Variants in RBP5 observed in about 807,000 individuals in gnomAD.
RBP5 encodes the protein retinol-binding protein 5.
A neutral mutation model predicts 17.8 loss-of-function variants in RBP5; 12 were observed. The ratio of observed to expected loss-of-function variants is 0.67; its 90% CI spans 0.43 to 1.09. RBP5 has a LOEUF of 1.09. RBP5 is among the 50% of genes least tolerant of loss of function. The pLI is 0.00. For missense variants in RBP5, 172 were observed against 169.4 expected (o/e 1.02, Z -0.09); for synonymous variants, 64 against 68.1 (o/e 0.94, Z 0.30).
At position 7,124,943 on chromosome 12, in the gene RBP5, G is replaced by A. The variant is rs1266475577; in HGVS notation, c.253-213C>T. Among the ~76,000 whole-genome samples, 1 of 152,158 alleles carries A rather than the reference G, an allele frequency of 6.6e-6. No individual in the cohort carries two copies. Among genetic ancestry groups the A allele is most frequent in the Non-Finnish European group, 1.5e-5 (1 of 68,042 alleles). The stretch of plus-strand genomic sequence containing the variant: ...TTTTTTTGAGACAAGTTCTTGCTCT[G>A]TCACCCAGGCTGGAGTGCAGTGGCA... On this transcript the variant is annotated intron_variant, in intron 2 of 3. Transcript: ENST00000266560. The surrounding 1 kb of genome is among the most constrained non-coding windows in gnomAD (Gnocchi z 5.3).
chr12:7,128,465 C>A lies in RBP5; in HGVS notation c.74-47G>T. 6.3e-7 allele frequency: 1 copy of A among 1,587,950 alleles called. No individual in the cohort carries two copies. ...AGGGGTGCTGCTAGCCAGCCAGGAG[C>A]TCCTCTGCCTGCAGCAGCCCCTCAG... On this transcript the variant is annotated intron_variant, in intron 1 of 3. Transcript: ENST00000266560. This position sits in a 1 kb window ranked among gnomAD's most constrained non-coding sequence, Gnocchi z 5.3.
chr12:7,128,880 G>C lies in RBP5; in HGVS notation c.-105C>G, dbSNP rs1939227132. 5.5e-6 allele frequency: 5 copies of C among 908,892 alleles called. No individual in the cohort carries two copies. The highest frequency in any genetic ancestry group is 8.9e-6 in the Non-Finnish European group (5 of 562,506). 56.3% of individuals were successfully genotyped at this position (908,892 alleles called of 1,614,324 possible). A position where few individuals can be genotyped will look rare whatever the true frequency, so the allele number is the denominator to read the frequency against. On this transcript the variant is annotated 5_prime_UTR_variant, in exon 1 of 4. Transcript: ENST00000266560. This position sits in a 1 kb window ranked among gnomAD's most constrained non-coding sequence, Gnocchi z 5.3. ...GATTCCAGCCAGCTCCACACACAGAGACAGGATGTGTAATGGCCGGGTTAC... is the reference window on the plus strand; with the variant it reads ...GATTCCAGCCAGCTCCACACACAGACACAGGATGTGTAATGGCCGGGTTAC...
downstream of RBP5, chr12:7,120,958 G>A (rs2135778514): frequency 6.6e-6 from 1 of 152,078 alleles, no homozygotes; most frequent in South Asian, 2.1e-4. Context: ...AACCTGGGAG[G>A]CGGAGGCTGC....
At chr12:7,123,334 C>T (rs1480728955), downstream of RBP5, among the ~76,000 whole-genome samples, 1 of 152,222 alleles carries the variant, frequency 6.6e-6, no homozygotes, top group Non-Finnish European at 1.5e-5. Flanking sequence ...CCTCCTATGC[C>T]TTCACACCCC....
rs748893040 is a variant in RBP5 at position 7,128,291 on chromosome 12, C to T, written c.201G>A (p.Val67=). ...TFRNYTVQFD[V]GVEFEEDLRS... ...TGAGGTCCTCCTCAAACTCCACTCC[C>T]ACATCAAACTGCACAGTGTAGTTTC... is the stretch of plus-strand genomic sequence containing the variant. The change falls in exon 2 of 4, where the codon GTG becomes GTA. Residue 67 remains valine, a synonymous_variant. Coordinates refer to ENST00000266560, the MANE Select transcript of RBP5 (RefSeq NM_031491.4). The surrounding 1 kb of genome is among the most constrained non-coding windows in gnomAD (Gnocchi z 5.3). 1.2e-6 allele frequency: 2 copies of T among 1,614,222 alleles called. No homozygotes were observed. Among genetic ancestry groups the T allele is most frequent in the East Asian group, 2.2e-5 (1 of 44,890 alleles).
chr12:7,126,146 A>G (rs1267618292), intron 2 of RBP5, among the ~76,000 whole-genome samples: 3 of 152,086 alleles, frequency 2.0e-5, no homozygotes, highest in Admixed American at 2.0e-4. Context: ...GGGTGGTGAT[A>G]GAGAAAGGTT....
chr12:7,129,654 G>C, upstream of RBP5: 1 of 985,478 alleles, frequency 1.0e-6, no homozygotes, highest in Non-Finnish European at 1.2e-6. The surrounding 1 kb of genome is among the most constrained non-coding windows in gnomAD (Gnocchi z 5.5). Flanking sequence ...GTGAAGGTGG[G>C]GTGGAGGCGC....
intron 2 of RBP5, among the ~76,000 whole-genome samples, chr12:7,126,457 G>C (rs1939160898): frequency 6.7e-6 from 1 of 150,310 alleles, no homozygotes; most frequent in Admixed American, 6.6e-5. Context: ...GGGTAATGCA[G>C]AAAAGCTACA....
At chr12:7,129,505 G>A (rs1416047652), upstream of RBP5, 1 of 543,140 alleles carries the variant, frequency 1.8e-6, no homozygotes, top group Non-Finnish European at 2.3e-6. This position sits in a 1 kb window ranked among gnomAD's most constrained non-coding sequence, Gnocchi z 5.5. Flanking sequence ...AGCCTGAGAG[G>A]AGTTTGTTGG....
chr12:7,126,825 A>T (rs1052162538), intron 2 of RBP5, among the ~76,000 whole-genome samples: 3 of 152,052 alleles, frequency 2.0e-5, no homozygotes, highest in Admixed American at 2.0e-4. Flanking sequence ...TATCATTTTG[A>T]TACAGAGTCT....
downstream of RBP5, among the ~76,000 whole-genome samples, chr12:7,121,388 C>G (rs1334262803): frequency 6.6e-6 from 1 of 152,150 alleles, no homozygotes; most frequent in Non-Finnish European, 1.5e-5. Flanking sequence ...CAGGATTGGA[C>G]CCGGGATGGC....
chr12:7,116,163 C>CCTCA (rs1939002161), exon 4 of RBP5: 1 of 152,216 alleles, frequency 6.6e-6, no homozygotes, highest in African/African-American at 2.4e-5. Flanking sequence ...CATCTCTCCA[C>CCTCA]CTCACTCACC....
chr12:7,126,513 GTGTGTGTGTGTGTGTGT>G (rs768900637), intron 2 of RBP5, among the ~76,000 whole-genome samples: 12,174 of 121,522 alleles, frequency 0.1, 679 homozygotes, highest in Non-Finnish European at 0.13. Context: ...TGGTGGTGGT[GTGTGTGTGTGTGTGTGT>G]GTGTGTGTGT....
At position 7,128,550 on chromosome 12, in the gene RBP5, C is replaced by T. The variant is rs1033779044; in HGVS notation, c.74-132G>A. 22 of 1,206,096 alleles carry T rather than the reference C, an allele frequency of 1.8e-5. No homozygotes were observed. Among genetic ancestry groups the T allele is most frequent in the Admixed American group, 4.0e-5 (2 of 50,120 alleles). 74.7% of individuals were successfully genotyped at this position (1,206,096 alleles called of 1,614,324 possible). On this transcript the variant is annotated intron_variant, in intron 1 of 3. Transcript: ENST00000266560. This position sits in a 1 kb window ranked among gnomAD's most constrained non-coding sequence, Gnocchi z 5.3. ...TGGATTCACCCCCTCCTACCAATGCCTGGTTAGAAATGGATCCCAGGTCTG... is the reference window on the plus strand; with the variant it reads ...TGGATTCACCCCCTCCTACCAATGCTTGGTTAGAAATGGATCCCAGGTCTG...
exon 4 of RBP5, chr12:7,115,945 C>A (rs1733571853): frequency 6.6e-6 from 1 of 152,190 alleles, no homozygotes; most frequent in Non-Finnish European, 1.5e-5. Context: ...GGAGACAGCA[C>A]TAGGGGGATG....
chr12:7,128,399 C>G lies in RBP5; in HGVS notation c.93G>C (p.Arg31=), dbSNP rs1591610321. Reference sequence around the variant, plus strand: ...CCGGCTTCAGCAGCAGCGCGATCTTCCGCACAGCCAAGCTGATGTCTGTGG... The same window carrying G: ...CCGGCTTCAGCAGCAGCGCGATCTTGCGCACAGCCAAGCTGATGTCTGTGG... ...LQALNISLAV[R]KIALLLKPDK... is the part of the protein sequence containing the mutation. Residue 31 remains arginine, a synonymous_variant, in exon 2 of 4, where the codon CGG becomes CGC. Coordinates refer to ENST00000266560, the MANE Select transcript of RBP5 (RefSeq NM_031491.4). This position sits in a 1 kb window ranked among gnomAD's most constrained non-coding sequence, Gnocchi z 5.3. The G allele has an allele frequency of 3.1e-6, 5 of 1,614,174 alleles. No homozygotes were observed. The highest frequency in any genetic ancestry group is 4.2e-6 in the Non-Finnish European group (5 of 1,179,996).
At chr12:7,120,513 G>GGATTTGCCCACCAGATCTCCTC (rs1939066631), downstream of RBP5, 1 of 155,596 alleles carries the variant, frequency 6.4e-6, no homozygotes, top group South Asian at 2.0e-4. Context: ...CAGGGCGCCT[G>GGATTTGCCCACCAGATCTCCTC]GATTTGCCCA....
chr12:7,125,450 G>A (rs1343055358), intron 2 of RBP5, among the ~76,000 whole-genome samples: 1 of 152,208 alleles, frequency 6.6e-6, no homozygotes, highest in Non-Finnish European at 1.5e-5. Context: ...AACAGCTGAA[G>A]TATCCTTAGA....
chr12:7,124,833 C>G lies in RBP5; in HGVS notation c.253-103G>C. On this transcript the variant is annotated intron_variant, in intron 2 of 3. Transcript: ENST00000266560. The surrounding 1 kb of genome is among the most constrained non-coding windows in gnomAD (Gnocchi z 5.3). ...TCCCCCTTTTACTCCACAGCAGATA[C>G]TGTCTGCTGCAGCCCCTCCACTGAG... is the stretch of plus-strand genomic sequence containing the variant. 1.4e-6 allele frequency: 1 copy of G among 699,084 alleles called. No individual in the cohort carries two copies. Among genetic ancestry groups the G allele is most frequent in the Non-Finnish European group, 2.6e-6 (1 of 382,058 alleles). The allele number at this position is 699,084 out of a possible 1,614,324, so 43.3% of individuals were successfully genotyped here. A position where few individuals can be genotyped will look rare whatever the true frequency, so the allele number is the denominator to read the frequency against.
Sources: allele counts gnomAD v4.1 joint callset (sites outside exome capture counted in the v4.1 genomes callset), GRCh38; gene constraint gnomAD v4.1.1; non-coding constraint Gnocchi (gnomAD v3.1); transcripts MANE v1.5; gene names NCBI Gene and HGNC (gene_info 2026-07-23, HGNC 2026-07-21).